Variants in CEACAM8 observed in about 807,000 individuals in gnomAD.
The protein encoded by CEACAM8 is cell adhesion molecule CEACAM8.
A neutral mutation model predicts 33.4 loss-of-function variants in CEACAM8; 31 were observed. The ratio of observed to expected loss-of-function variants is 0.93; its 90% CI spans 0.70 to 1.25. The LOEUF is 1.25. CEACAM8 is among the 50% of genes most tolerant of loss of function. The pLI is 0.00. For synonymous variants in CEACAM8, 138 were observed against 164.5 expected, an observed-to-expected ratio of 0.84 and a Z score of 1.23; for missense variants, 388 against 434.6, an observed-to-expected ratio of 0.89 and a Z score of 0.95.
At chr19:42,583,442 C>A in intron 4 of CEACAM8, 105 bp from the exon 5 acceptor site, 1 of 726,306 alleles carries the variant, frequency 1.4e-6, no homozygotes, top group Admixed American at 2.8e-5. Flanking sequence ...CTTGTTTTTT[C>A]AAGGAATACA....
intron 2 of CEACAM8, among the ~76,000 whole-genome samples, chr19:42,590,210 C>T (rs1200185297): frequency 6.6e-6 from 1 of 152,168 alleles, no homozygotes; most frequent in African/African-American, 2.4e-5. Flanking sequence ...TAATTCCTGA[C>T]TGGGTGTTTC....
At chr19:42,591,343 C>A (rs1468295687) in intron 2 of CEACAM8, among the ~76,000 whole-genome samples, 2 of 152,150 alleles carry the variant, frequency 1.3e-5, no homozygotes, top group African/African-American at 2.4e-5. Context: ...CTGAAGTTCG[C>A]TTGAAATTAG....
At chr19:42,588,681 G>T in intron 4 of CEACAM8, 103 bp downstream of exon 4, 2 of 1,313,758 alleles carry the variant, frequency 1.5e-6, no homozygotes, top group African/African-American at 1.5e-5. Context: ...TGCTTGTGCT[G>T]TTGGACACAG....
chr19:42,584,123 C>T (rs775160788), intron 4 of CEACAM8, among the ~76,000 whole-genome samples: 11 of 152,028 alleles, frequency 7.2e-5, no homozygotes, highest in African/African-American at 1.5e-4. Flanking sequence ...CTCTCTTTCA[C>T]GTGTAACCAG....
chr19:42,584,704 C>G (rs2042306231), intron 4 of CEACAM8, among the ~76,000 whole-genome samples: 1 of 152,146 alleles, frequency 6.6e-6, no homozygotes, highest in African/African-American at 2.4e-5. Context: ...AGTTAAGAAT[C>G]TTGTGCAAGA....
chr19:42,590,477 G>T (rs2042417374), intron 2 of CEACAM8, among the ~76,000 whole-genome samples: 1 of 152,222 alleles, frequency 6.6e-6, no homozygotes, highest in Admixed American at 6.5e-5. Context: ...GCGGGGGGCA[G>T]ATGAGGAGCT....
intron 4 of CEACAM8, among the ~76,000 whole-genome samples, chr19:42,585,345 CGAAA>C (rs996576895): frequency 3.3e-5 from 4 of 122,968 alleles, no homozygotes; most frequent in Non-Finnish European, 6.8e-5. Flanking sequence ...AAAAAAAAAA[CGAAA>C]GAAAGAAAAG....
At chr19:42,593,348 A>G (rs1236217059) in intron 2 of CEACAM8, among the ~76,000 whole-genome samples, 193 bp downstream of exon 2, 1 of 152,196 alleles carries the variant, frequency 6.6e-6, no homozygotes, top group African/African-American at 2.4e-5. Flanking sequence ...GAGTGTCTGC[A>G]GGGTCTGGAT....
chr19:42,593,469 C>T, intron 2 of CEACAM8, 72 bp downstream of exon 2: 1 of 1,522,402 alleles, frequency 6.6e-7, no homozygotes, highest in Non-Finnish European at 8.8e-7. Context: ...GGGCACAGCC[C>T]AGGCCTAACA....
chr19:42,588,179 G>A (rs138266764), intron 4 of CEACAM8, among the ~76,000 whole-genome samples: 2 of 152,290 alleles, frequency 1.3e-5, no homozygotes, highest in African/African-American at 4.8e-5. Flanking sequence ...GGGGAGGCTT[G>A]GCTTCAACTG....
intron 2 of CEACAM8, 125 bp from the exon 3 acceptor site, chr19:42,589,860 G>T: frequency 6.5e-7 from 1 of 1,544,790 alleles, no homozygotes. Context: ...CCCACGGTGG[G>T]TGTGTGTGTC....
chr19:42,593,399 G>A lies in CEACAM8; in HGVS notation c.424+142C>T, dbSNP rs1329650584. The A allele has an allele frequency of 3.8e-6, 4 of 1,051,228 alleles. No individual in the cohort carries two copies. The African/African-American group carries it at 4.8e-5, about 13-fold the overall frequency. 65.1% of individuals were successfully genotyped at this position (1,051,228 alleles called of 1,614,324 possible). ...TGGTCTGTGGAAGTCTGTCTCCCCT[G>A]AGTGTGTCCTGCACTAAATGTCCAA... On this transcript the variant is annotated intron_variant, in intron 2 of 5. Coordinates refer to ENST00000244336, the MANE Select transcript of CEACAM8 (RefSeq NM_001816.4).
chr19:42,581,888 C>CAAAAAAAAAAA (rs71298757), intron 5 of CEACAM8, among the ~76,000 whole-genome samples: 3 of 13,884 alleles, frequency 2.2e-4, no homozygotes, highest in South Asian at 8.5e-3. Context: ...GACTCCGTCT[C>CAAAAAAAAAAA]AAAAAAAAAA....
At chr19:42,594,647 C>T in intron 1 of CEACAM8, 118 bp downstream of exon 1, 1 of 759,346 alleles carries the variant, frequency 1.3e-6, no homozygotes, top group African/African-American at 1.7e-5. Flanking sequence ...GTCCTCTCCT[C>T]TATTAAGGCT....
intron 1 of CEACAM8, among the ~76,000 whole-genome samples, chr19:42,594,469 G>C (rs1296943478): frequency 6.6e-6 from 1 of 152,116 alleles, no homozygotes; most frequent in Non-Finnish European, 1.5e-5. Flanking sequence ...TTCATACCCT[G>C]GTTATGCTTT....
chr19:42,583,408 G>C (rs2042286568), intron 4 of CEACAM8, 71 bp from the exon 5 acceptor site: 1 of 975,496 alleles, frequency 1.0e-6, no homozygotes, highest in African/African-American at 1.6e-5. Context: ...CCAGGAACCA[G>C]CTCCTAGCAT....
chr19:42,590,658 A>G (rs1196599567), intron 2 of CEACAM8, among the ~76,000 whole-genome samples: 2 of 152,166 alleles, frequency 1.3e-5, no homozygotes, highest in Non-Finnish European at 2.9e-5. Flanking sequence ...TGGACATTAT[A>G]CAGAGTGAAA....
Position 42,593,636 on chromosome 19 carries a change from C to A in CEACAM8, c.329G>T (p.Arg110Leu). ...TCCTGTGTCATTTCTGGTGACGTTC[C>A]GCATCAGCAGGGATGCATTGGGGTA... ...TIYPNASLLM[R>L]NVTRNDTGSY... The change falls in exon 2 of 6, where the codon CGG becomes CTG. Residue 110 changes from arginine to leucine, a missense_variant. Arg to Leu is a moderately radical substitution (Grantham distance 102). Transcript: ENST00000244336. The A allele has an allele frequency of 3.7e-6, 6 of 1,613,698 alleles. No individual in the cohort carries two copies. Among genetic ancestry groups the A allele is most frequent in the Non-Finnish European group, 5.1e-6 (6 of 1,179,774 alleles).
At chr19:42,587,831 C>T (rs894711508) in intron 4 of CEACAM8, among the ~76,000 whole-genome samples, 3 of 152,070 alleles carry the variant, frequency 2.0e-5, no homozygotes, top group African/African-American at 7.2e-5. Context: ...ATGGAGAAAC[C>T]CCATCTCTAC....
Sources: gnomAD v4.1 joint callset for allele counts (sites outside exome capture counted in the v4.1 genomes callset) on GRCh38, gnomAD v4.1.1 for gene constraint, MANE v1.5 for transcripts, NCBI Gene and HGNC (gene_info 2026-07-23, HGNC 2026-07-21) for gene names.